RIC3: variants seen among roughly 807,000 people sequenced by gnomAD.
RIC3 encodes protein RIC-3.
RIC3 carries 28 observed loss-of-function variants against 27.3 expected under a neutral mutation model. The ratio of observed to expected loss-of-function variants is 1.02; its 90% CI spans 0.76 to 1.41. The LOEUF (loss-of-function observed/expected upper bound fraction) is 1.41, where lower values mean the gene tolerates loss of function less well. RIC3 is among the 40% of genes most tolerant of loss of function. The pLI is 0.00. For synonymous variants in RIC3, 184 were observed against 160.4 expected, an observed-to-expected ratio of 1.15 and a Z score of -1.11; for missense variants, 501 against 444.7, an observed-to-expected ratio of 1.13 and a Z score of -1.14.
At chr11:8,145,496 G>A (rs1305284213) in intron 1 of RIC3, among the ~76,000 whole-genome samples, 1 of 152,138 alleles carries the variant, frequency 6.6e-6, no homozygotes, top group African/African-American at 2.4e-5. Flanking sequence ...ATTCCTTGGA[G>A]GAGGACTTTA....
At chr11:8,145,579 A>C (rs1949596753) in intron 1 of RIC3, among the ~76,000 whole-genome samples, 1 of 152,208 alleles carries the variant, frequency 6.6e-6, no homozygotes, top group African/African-American at 2.4e-5. Flanking sequence ...GATATAGCAC[A>C]AACAGGGTGA....
At chr11:8,157,250 G>A (rs867044131) in intron 1 of RIC3, among the ~76,000 whole-genome samples, 1 of 152,172 alleles carries the variant, frequency 6.6e-6, no homozygotes, top group Non-Finnish European at 1.5e-5. Context: ...TAATGTGAAC[G>A]ATGGGGCTGC....
At chr11:8,137,270 C>G in intron 4 of RIC3, 108 bp downstream of exon 4, 1 of 857,866 alleles carries the variant, frequency 1.2e-6, no homozygotes, top group African/African-American at 1.7e-5. Flanking sequence ...ATGATCCACC[C>G]ACCTCGGCCT....
intron 1 of RIC3, among the ~76,000 whole-genome samples, chr11:8,148,312 C>G (rs1949918771): frequency 6.6e-6 from 1 of 152,142 alleles, no homozygotes; most frequent in African/African-American, 2.4e-5. Context: ...GGTGACTATG[C>G]CCCTTTTAAA....
the RIC3 span, chr11:8,098,965 T>C: frequency 1.0e-6 from 1 of 955,792 alleles, no homozygotes; most frequent in Non-Finnish European, 1.7e-6. Flanking sequence ...CCATCCATCT[T>C]AGTGGGTAGA....
chr11:8,145,769 G>T (rs551635971), intron 1 of RIC3, among the ~76,000 whole-genome samples: 1 of 152,132 alleles, frequency 6.6e-6, no homozygotes, highest in East Asian at 1.9e-4. Context: ...AAACAGGCAT[G>T]TATGAAAAAC....
chr11:8,146,076 A>G (rs1949646434), intron 1 of RIC3, among the ~76,000 whole-genome samples: 1 of 152,218 alleles, frequency 6.6e-6, no homozygotes, highest in Admixed American at 6.5e-5. Context: ...TATGTGAACT[A>G]CAGACTTTAT....
At chr11:8,096,644 C>T in the RIC3 span, 2 of 1,371,048 alleles carry the variant, frequency 1.5e-6, no homozygotes, top group South Asian at 1.2e-5. Context: ...GCAGCGTAGA[C>T]TTCTCCTCCT....
At chr11:8,168,252 G>A (rs1565153701) in intron 1 of RIC3, among the ~76,000 whole-genome samples, 2 of 152,032 alleles carry the variant, frequency 1.3e-5, no homozygotes, top group African/African-American at 4.8e-5. Flanking sequence ...CAACAACGAA[G>A]AATTAACAGA....
chr11:8,124,159 T>C (rs1034739835), intron 5 of RIC3, among the ~76,000 whole-genome samples: 9 of 150,824 alleles, frequency 6.0e-5, no homozygotes, highest in African/African-American at 1.9e-4. Flanking sequence ...ACCAAGATAA[T>C]ATCACTGGAG....
intron 4 of RIC3, among the ~76,000 whole-genome samples, chr11:8,130,986 T>C (rs995336550): frequency 1.2e-4 from 18 of 152,018 alleles, no homozygotes; most frequent in Admixed American, 2.0e-4. Flanking sequence ...AAGGGACCTG[T>C]TGAAGGATTA....
At chr11:8,165,298 T>C (rs978626885) in intron 1 of RIC3, among the ~76,000 whole-genome samples, 2 of 152,138 alleles carry the variant, frequency 1.3e-5, no homozygotes, top group Admixed American at 6.5e-5. Context: ...TGTCCATCAA[T>C]TGATTAATGA....
chr11:8,153,136 G>T (rs1402180627), intron 1 of RIC3, among the ~76,000 whole-genome samples: 1 of 152,132 alleles, frequency 6.6e-6, no homozygotes, highest in East Asian at 1.9e-4. Context: ...AGACAGAAGA[G>T]GGATTTGGAG....
chr11:8,093,983 GGGA>G, the RIC3 span: 4 of 1,602,972 alleles, frequency 2.5e-6, no homozygotes, highest in South Asian at 4.4e-5. Flanking sequence ...GTGTTCAGGT[GGGA>G]GCTCTGGTCT....
At chr11:8,143,632 C>G (rs1234745896) in intron 1 of RIC3, among the ~76,000 whole-genome samples, 1 of 152,050 alleles carries the variant, frequency 6.6e-6, no homozygotes, top group African/African-American at 2.4e-5. Context: ...CAATGCCATC[C>G]CCATAAAGCT....
chr11:8,151,268 T>C (rs1410166446), intron 1 of RIC3, among the ~76,000 whole-genome samples: 1 of 152,120 alleles, frequency 6.6e-6, no homozygotes, highest in Non-Finnish European at 1.5e-5. Flanking sequence ...CCAAAATATA[T>C]AAAGAATTCT....
chr11:8,145,162 C>A, intron 1 of RIC3, among the ~76,000 whole-genome samples: 2 of 140,058 alleles, frequency 1.4e-5, no homozygotes, highest in East Asian at 2.1e-4. Context: ...CACATGTACC[C>A]TAAAACTTAA....
intron 5 of RIC3, among the ~76,000 whole-genome samples, chr11:8,114,955 A>C (rs575751628): frequency 2.0e-5 from 3 of 152,282 alleles, no homozygotes; most frequent in Non-Finnish European, 4.4e-5. Context: ...GAATGAAAAG[A>C]AAGCAAGCTT....
intron 5 of RIC3, among the ~76,000 whole-genome samples, chr11:8,120,917 A>AT (rs1946375645): frequency 1.3e-5 from 2 of 152,262 alleles, no homozygotes; most frequent in Admixed American, 1.3e-4. Flanking sequence ...CAGCCAAACA[A>AT]TTTGTGTACA....
Sources: allele counts gnomAD v4.1 joint callset (sites outside exome capture counted in the v4.1 genomes callset), GRCh38; gene constraint gnomAD v4.1.1; transcripts MANE v1.5; gene names NCBI Gene and HGNC (gene_info 2026-07-23, HGNC 2026-07-21).